CAST: variants seen among roughly 807,000 people sequenced by gnomAD.
CAST encodes the protein MIR583 host.
In CAST, 76 loss-of-function variants were observed where a neutral mutation model predicts 119.6. The observed-to-expected ratio is 0.64, with a 90% CI of 0.53 to 0.77. The LOEUF (loss-of-function observed/expected upper bound fraction) is 0.77, where lower values mean the gene tolerates loss of function less well. CAST is among the 30% of genes least tolerant of loss of function. The pLI is 0.00. For missense variants in CAST, 953 were observed against 946.5 expected, an observed-to-expected ratio of 1.01 and a Z score of -0.09; for synonymous variants, 319 against 331.6, an observed-to-expected ratio of 0.96 and a Z score of 0.41.
At chr5:96,426,980 A>G in the CAST span, among the ~76,000 whole-genome samples, 1 of 152,200 alleles carries the variant, frequency 6.6e-6, no homozygotes, top group African/African-American at 2.4e-5. Context: ...TTTCAAGCTT[A>G]ATTGTTTTGG....
upstream of CAST, chr5:96,662,345 C>A: frequency 7.8e-7 from 1 of 1,280,876 alleles, no homozygotes; most frequent in Non-Finnish European, 1.0e-6. Context: ...CCCTCTCTCC[C>A]TGGCAGGACT....
chr5:96,592,940 T>A (rs1408845163), intron 1 of CAST, among the ~76,000 whole-genome samples: 1 of 152,130 alleles, frequency 6.6e-6, no homozygotes. Flanking sequence ...AATATTTTTG[T>A]ATTTTTAGTA....
intron 1 of CAST, among the ~76,000 whole-genome samples, chr5:96,552,730 C>T (rs1746158089): frequency 6.6e-6 from 1 of 152,158 alleles, no homozygotes; most frequent in African/African-American, 2.4e-5. Context: ...AAGTGGGTAT[C>T]ACCACCAATC....
chr5:96,505,584 C>T, the CAST span, among the ~76,000 whole-genome samples: 1 of 152,228 alleles, frequency 6.6e-6, no homozygotes, highest in Admixed American at 6.5e-5. Flanking sequence ...TTTTTTAGAA[C>T]TCTGCTGACA....
At chr5:95,996,664 C>T in the CAST span, among the ~76,000 whole-genome samples, 1 of 152,142 alleles carries the variant, frequency 6.6e-6, no homozygotes. Context: ...CAATGATTCT[C>T]AAACTTCAGT....
the CAST span, among the ~76,000 whole-genome samples, chr5:96,345,351 T>C: frequency 6.6e-6 from 1 of 152,186 alleles, no homozygotes; most frequent in Non-Finnish European, 1.5e-5. Flanking sequence ...TACACTATTT[T>C]ACTGATACAA....
At chr5:95,983,489 T>C in the CAST span, among the ~76,000 whole-genome samples, 1 of 152,166 alleles carries the variant, frequency 6.6e-6, no homozygotes, top group Non-Finnish European at 1.5e-5. Flanking sequence ...ACTTTTGGGT[T>C]ATGGGAATGT....
At chr5:96,183,817 T>C in the CAST span, among the ~76,000 whole-genome samples, 4 of 152,216 alleles carry the variant, frequency 2.6e-5, no homozygotes, top group African/African-American at 9.7e-5. Context: ...TTTAATCTTC[T>C]AGATTTGAGG....
chr5:96,283,145 AG>A, the CAST span, among the ~76,000 whole-genome samples: 1 of 147,798 alleles, frequency 6.8e-6, no homozygotes, highest in East Asian at 2.0e-4. Flanking sequence ...AAAAAAAAAA[AG>A]AAAAAAATTT....
At chr5:96,148,797 C>T in the CAST span, among the ~76,000 whole-genome samples, 1 of 152,164 alleles carries the variant, frequency 6.6e-6, no homozygotes, top group South Asian at 2.1e-4. Context: ...TAACTATACA[C>T]GGAAGACTGT....
intron 3 of CAST, among the ~76,000 whole-genome samples, chr5:96,710,062 T>C (rs954677570): frequency 6.6e-6 from 1 of 152,226 alleles, no homozygotes; most frequent in Non-Finnish European, 1.5e-5. Flanking sequence ...ACAAGTATTA[T>C]TGAGGTACTT....
the CAST span, among the ~76,000 whole-genome samples, chr5:96,104,302 C>G: frequency 6.6e-6 from 1 of 152,184 alleles, no homozygotes; most frequent in Non-Finnish European, 1.5e-5. Context: ...GACATGAAGT[C>G]CTTCCCCATG....
the CAST span, among the ~76,000 whole-genome samples, chr5:96,386,622 A>G: frequency 6.6e-6 from 1 of 152,240 alleles, no homozygotes; most frequent in Non-Finnish European, 1.5e-5. Context: ...AAAAACAACA[A>G]TCTCACAAAT....
At chr5:96,058,959 T>C in the CAST span, among the ~76,000 whole-genome samples, 1 of 152,084 alleles carries the variant, frequency 6.6e-6, no homozygotes, top group Admixed American at 6.6e-5. Flanking sequence ...CCCCAGCAAA[T>C]TTGCTATGCC....
the CAST span, chr5:96,433,298 A>G: frequency 1.9e-6 from 1 of 524,748 alleles, no homozygotes; most frequent in East Asian, 3.4e-5. Context: ...TTACACGTCA[A>G]ATCGACGAAA....
At chr5:96,670,135 C>A (rs537318758) in intron 1 of CAST, among the ~76,000 whole-genome samples, 2 of 152,136 alleles carry the variant, frequency 1.3e-5, no homozygotes, top group East Asian at 1.9e-4. Flanking sequence ...ATCAAGATAA[C>A]CTTTTATTGC....
chr5:96,585,563 G>A (rs1017314316), intron 1 of CAST, among the ~76,000 whole-genome samples: 2 of 152,098 alleles, frequency 1.3e-5, no homozygotes, highest in African/African-American at 4.8e-5. Flanking sequence ...GGGAGCTAAG[G>A]AAAAGCAATA....
chr5:96,564,377 G>A (rs1746432997), intron 1 of CAST, among the ~76,000 whole-genome samples: 1 of 152,180 alleles, frequency 6.6e-6, no homozygotes, highest in South Asian at 2.1e-4. Context: ...CACTTGGGCT[G>A]GCTCTGATTC....
the CAST span, among the ~76,000 whole-genome samples, chr5:96,331,654 T>G: frequency 6.6e-6 from 1 of 152,258 alleles, no homozygotes; most frequent in Admixed American, 6.5e-5. Flanking sequence ...TTATTTATTT[T>G]CTGCAAGTAA....
Sources: allele counts gnomAD v4.1 joint callset (sites outside exome capture counted in the v4.1 genomes callset), GRCh38; gene constraint gnomAD v4.1.1; transcripts MANE v1.5; gene names NCBI Gene and HGNC (gene_info 2026-07-23, HGNC 2026-07-21).